Variants in MPPED1 observed in about 807,000 individuals in gnomAD.
MPPED1 encodes metallophosphoesterase domain containing 1, also known as metallophosphoesterase domain-containing protein 1.
A neutral mutation model predicts 36.2 loss-of-function variants in MPPED1; 16 were observed. The observed-to-expected ratio is 0.44, with a 90% CI of 0.30 to 0.67. MPPED1 has a LOEUF of 0.67. MPPED1 is among the 30% of genes least tolerant of loss of function. The pLI, the probability that MPPED1 is intolerant of heterozygous loss-of-function variation, is 0.10. For synonymous variants in MPPED1, 199 were observed against 191.3 expected (o/e 1.04, Z -0.33); for missense variants, 307 against 453.4 (o/e 0.68, Z 2.93).
chr22:43,418,491 T>C (rs1438039468), intron 1 of MPPED1: 4 of 207,910 alleles, frequency 1.9e-5, no homozygotes, highest in Non-Finnish European at 3.0e-5. Flanking sequence ...AGCCAAGGCC[T>C]CTCTCTCTCT....
chr22:43,412,400 G>A (rs1365704721), intron 1 of MPPED1, among the ~76,000 whole-genome samples: 1 of 152,052 alleles, frequency 6.6e-6, no homozygotes, highest in Non-Finnish European at 1.5e-5. Flanking sequence ...CTGGGGCCGC[G>A]GGGTCAGCGA....
At chr22:43,491,847 C>G (rs1477990684) in intron 4 of MPPED1, among the ~76,000 whole-genome samples, 32 of 75,664 alleles carry the variant, frequency 4.2e-4, no homozygotes, top group East Asian at 8.9e-4. Context: ...GATTGAGGTG[C>G]TGGTGATGGA....
rs139501464 is a variant in MPPED1 at position 43,440,705 on chromosome 22, T to C, written c.406+5490T>C. ...AGCCTGCAGCCTCCGCAGCCCTCAC[T>C]GCACCCTCCACAGCCCTCACTTCAC... On this transcript the variant is annotated intron_variant, in intron 3 of 6. Coordinates refer to ENST00000443721, the MANE Select transcript of MPPED1 (RefSeq NM_001044370.2). 7.0e-3 allele frequency among the ~76,000 whole-genome samples: 1,064 copies of C among 152,170 alleles called. 21 individuals carry two copies. The highest frequency in any genetic ancestry group is 0.024 in the Middle Eastern group (7 of 294).
intron 5 of MPPED1, among the ~76,000 whole-genome samples, chr22:43,501,993 T>A (rs556515157): frequency 6.6e-6 from 1 of 152,088 alleles, no homozygotes; most frequent in African/African-American, 2.4e-5. Flanking sequence ...TGAACCCTAA[T>A]TGTTTGCTTG....
At chr22:43,473,978 A>G (rs1358865397) in intron 3 of MPPED1, among the ~76,000 whole-genome samples, 2 of 152,236 alleles carry the variant, frequency 1.3e-5, no homozygotes, top group South Asian at 2.1e-4. Flanking sequence ...GGCTGTATAC[A>G]TAGACATTTT....
intron 4 of MPPED1, among the ~76,000 whole-genome samples, chr22:43,493,019 G>A (rs1407252382): frequency 1.3e-5 from 2 of 152,138 alleles, no homozygotes; most frequent in African/African-American, 2.4e-5. Context: ...ATAGATTTGC[G>A]TGTCTCCTGG....
chr22:43,437,683 G>A (rs1001462990), intron 3 of MPPED1, among the ~76,000 whole-genome samples: 1 of 152,216 alleles, frequency 6.6e-6, no homozygotes, highest in Non-Finnish European at 1.5e-5. Context: ...TTAAAAGGGG[G>A]CGGTTAGGCT....
chr22:43,500,215 G>T lies in MPPED1; in HGVS notation c.748+1865G>T, dbSNP rs867580340. On this transcript the variant is annotated intron_variant, in intron 5 of 6. Transcript: ENST00000443721. The stretch of plus-strand genomic sequence containing the variant: ...ATGGAGGTGGTAATGGAGGTGGTGG[G>T]GGTGATGGTGGAGGTGGTGATGGAG... Among the ~76,000 whole-genome samples the T allele has an allele frequency of 2.5e-3, 113 of 45,160 alleles. 7 individuals carry two copies. Among genetic ancestry groups the T allele is most frequent in the Non-Finnish European group, 3.0e-3 (72 of 24,264 alleles). The allele number at this position is 45,160 out of a possible 152,430, so 29.6% of individuals were successfully genotyped here. A position where few individuals can be genotyped will look rare whatever the true frequency, so the allele number is the denominator to read the frequency against.
chr22:43,453,160 C>T (rs1039377651), intron 3 of MPPED1, among the ~76,000 whole-genome samples: 6 of 152,024 alleles, frequency 3.9e-5, no homozygotes, highest in Non-Finnish European at 7.4e-5. Flanking sequence ...CGGTGTTAGC[C>T]AGGATGGTCT....
chr22:43,494,201 A>C (rs1932186102), intron 4 of MPPED1, among the ~76,000 whole-genome samples: 1 of 151,886 alleles, frequency 6.6e-6, no homozygotes, highest in Non-Finnish European at 1.5e-5. Context: ...ATGCCCGACT[A>C]ATTTTTTAAA....
At chr22:43,419,250 C>G (rs1929177201) in intron 1 of MPPED1, 1 of 152,210 alleles carries the variant, frequency 6.6e-6, no homozygotes, top group Non-Finnish European at 1.5e-5. Context: ...TCATTCAGTT[C>G]AGATAAAAAG....
chr22:43,497,070 A>AGGTGGTGGTGGTGGAGAT (rs1555904441), intron 4 of MPPED1, among the ~76,000 whole-genome samples: 17 of 84,576 alleles, frequency 2.0e-4, no homozygotes, highest in Admixed American at 5.4e-4. Context: ...GTGGTGGTGG[A>AGGTGGTGGTGGTGGAGAT]GGTGGTGGTG....
At chr22:43,455,037 C>A (rs1930703932) in intron 3 of MPPED1, among the ~76,000 whole-genome samples, 1 of 151,674 alleles carries the variant, frequency 6.6e-6, no homozygotes. Context: ...TCTTTTGAGG[C>A]CTCTCTCCTT....
intron 2 of MPPED1, among the ~76,000 whole-genome samples, chr22:43,426,478 G>A (rs760586993): frequency 6.6e-6 from 1 of 152,156 alleles, no homozygotes; most frequent in Non-Finnish European, 1.5e-5. Flanking sequence ...CCCCAAAAAG[G>A]GTCCAGGCCC....
At chr22:43,467,222 C>G (rs369418259) in intron 3 of MPPED1, among the ~76,000 whole-genome samples, 5 of 152,254 alleles carry the variant, frequency 3.3e-5, no homozygotes, top group African/African-American at 1.2e-4. Context: ...TGCCTTTCAT[C>G]TCTGTCATGG....
At chr22:43,414,978 G>A (rs73889246) in intron 1 of MPPED1, among the ~76,000 whole-genome samples, 7,991 of 152,076 alleles carry the variant, frequency 0.053, 602 homozygotes, top group African/African-American at 0.16. Context: ...TGGCCTGGGC[G>A]CCTCACCCTC....
At chr22:43,479,451 G>A (rs1931681239) in intron 4 of MPPED1, among the ~76,000 whole-genome samples, 1 of 152,246 alleles carries the variant, frequency 6.6e-6, no homozygotes, top group African/African-American at 2.4e-5. Flanking sequence ...AGACGGCAGA[G>A]CAGAGGACAG....
chr22:43,500,980 T>C (rs1299524038), intron 5 of MPPED1, among the ~76,000 whole-genome samples: 1 of 151,954 alleles, frequency 6.6e-6, no homozygotes, highest in Non-Finnish European at 1.5e-5. Context: ...CAGGACAGCT[T>C]GAGTGTCACT....
At position 43,507,582 on chromosome 22, in the gene MPPED1, G is replaced by C. The variant is rs1932831811; in HGVS notation, c.*1966G>C. 1 of 152,194 alleles carries C rather than the reference G, an allele frequency of 6.6e-6. No homozygotes were observed. The highest frequency in any genetic ancestry group is 6.5e-5 in the Admixed American group (1 of 15,274). The allele number at this position is 152,194 out of a possible 1,614,324, so 9.4% of individuals were successfully genotyped here. ...AGAAAAGCAGGCCCTTTCAGTGCCA[G>C]CTCCACTCAATTTCTATGTGGACCA... On this transcript the variant is annotated 3_prime_UTR_variant, in exon 7 of 7. Transcript: ENST00000443721.
Sources: allele counts gnomAD v4.1 joint callset (sites outside exome capture counted in the v4.1 genomes callset), GRCh38; gene constraint gnomAD v4.1.1; transcripts MANE v1.5; gene names NCBI Gene and HGNC (gene_info 2026-07-23, HGNC 2026-07-21).